Variants in MELK observed in about 807,000 individuals in gnomAD.
MELK encodes the protein maternal embryonic leucine zipper kinase.
MELK carries 81 observed loss-of-function variants against 85.0 expected under a neutral mutation model. The ratio of observed to expected loss-of-function variants is 0.95; its 90% CI spans 0.80 to 1.15. The LOEUF is 1.15. MELK is among the 50% of genes most tolerant of loss of function. The pLI is 0.00. For missense variants in MELK, 754 were observed against 777.5 expected, an observed-to-expected ratio of 0.97 and a Z score of 0.36; for synonymous variants, 252 against 265.0, an observed-to-expected ratio of 0.95 and a Z score of 0.48.
chr9:36,634,075 T>C (rs1828887601), intron 10 of MELK, among the ~76,000 whole-genome samples: 1 of 152,244 alleles, frequency 6.6e-6, no homozygotes, highest in South Asian at 2.1e-4. Context: ...GATGCATTGG[T>C]TATTTGGAAA....
intron 12 of MELK, among the ~76,000 whole-genome samples, chr9:36,652,648 T>G (rs142417986): frequency 1.3e-5 from 2 of 149,932 alleles, no homozygotes; most frequent in South Asian, 4.2e-4. Context: ...GAGAATCGCT[T>G]GAACCCGAGA....
intron 7 of MELK, among the ~76,000 whole-genome samples, chr9:36,601,856 A>G (rs927048536): frequency 1.3e-5 from 2 of 152,334 alleles, no homozygotes; most frequent in African/African-American, 2.4e-5. Context: ...TTCACTTAGC[A>G]TAATGTCCTC....
chr9:36,643,024 A>C lies in MELK; in HGVS notation c.862A>C (p.Thr288Pro). Reference sequence around the variant, plus strand: ...TATTCACCTCGATGATGATTGCGTAACAGAACTTTCTGTACATCACAGAAA... The same window carrying C: ...TATTCACCTCGATGATGATTGCGTACCAGAACTTTCTGTACATCACAGAAA... ...PFIHLDDDCV[T>P]ELSVHHRNNR... Residue 288 changes from threonine (T) to proline (P), a missense_variant, in exon 11 of 18, where the codon ACA (threonine) becomes CCA (proline). Thr to Pro is a conservative substitution (Grantham distance 38, BLOSUM62 -1). Coordinates refer to ENST00000298048, the MANE Select transcript of MELK (RefSeq NM_014791.4). 1 of 1,612,376 alleles carries C rather than the reference A, an allele frequency of 6.2e-7. No homozygotes were observed. Among genetic ancestry groups the C allele is most frequent in the Non-Finnish European group, 8.5e-7 (1 of 1,179,480 alleles).
chr9:36,628,670 A>G (rs2136412077), intron 8 of MELK, among the ~76,000 whole-genome samples: 1 of 151,062 alleles, frequency 6.6e-6, no homozygotes, highest in East Asian at 2.0e-4. Flanking sequence ...CACCTGCCTC[A>G]GCCTCCCAAA....
chr9:36,647,953 A>G (rs987369062), intron 11 of MELK, among the ~76,000 whole-genome samples: 1 of 152,188 alleles, frequency 6.6e-6, no homozygotes, highest in Non-Finnish European at 1.5e-5. Flanking sequence ...TTATTAACTA[A>G]TAAAATTCAT....
chr9:36,631,240 G>A (rs1035959055), intron 9 of MELK, among the ~76,000 whole-genome samples: 7 of 151,960 alleles, frequency 4.6e-5, no homozygotes, highest in Non-Finnish European at 8.8e-5. Context: ...CAAAGTGCTG[G>A]GATTACAGGT....
intron 5 of MELK, among the ~76,000 whole-genome samples, chr9:36,596,568 T>G (rs1323999033): frequency 9.8e-6 from 1 of 102,514 alleles, no homozygotes; most frequent in Non-Finnish European, 1.8e-5. Flanking sequence ...TTTTTGTTTT[T>G]TTTGTTTTTT....
chr9:36,634,063 A>G (rs188343853), intron 10 of MELK, among the ~76,000 whole-genome samples: 1 of 152,358 alleles, frequency 6.6e-6, no homozygotes, highest in East Asian at 1.9e-4. Context: ...CTCACATAAC[A>G]TGATGCATTG....
intron 3 of MELK, among the ~76,000 whole-genome samples, chr9:36,587,936 G>A (rs538518353): frequency 1.6e-4 from 23 of 143,864 alleles, no homozygotes; most frequent in Middle Eastern, 4.7e-3. Context: ...TAATTTTTTC[G>A]TGTGTGTTTT....
rs2138361416 is a variant in MELK, at chr9:36,677,468, A to G, written c.*131A>G. On this transcript the variant is annotated 3_prime_UTR_variant, in exon 18 of 18. Transcript: ENST00000298048. ...TTTCTAAAGAGCTATCTTAAGACCAATATCTCTTTGTTTTTAAACAAAAGA... is the reference window on the plus strand; with the variant it reads ...TTTCTAAAGAGCTATCTTAAGACCAGTATCTCTTTGTTTTTAAACAAAAGA... The G allele has an allele frequency of 1.4e-6, 1 of 722,966 alleles. No individual in the cohort carries two copies. Among genetic ancestry groups the G allele is most frequent in the Non-Finnish European group, 2.1e-6 (1 of 486,262 alleles). 44.8% of individuals were successfully genotyped at this position (722,966 alleles called of 1,614,324 possible).
intron 8 of MELK, among the ~76,000 whole-genome samples, chr9:36,628,629 A>G (rs1828176714): frequency 6.6e-6 from 1 of 151,704 alleles, no homozygotes; most frequent in Non-Finnish European, 1.5e-5. Flanking sequence ...CATGTTGGCC[A>G]GGATGGTCTT....
At chr9:36,619,980 A>G (rs184568894) in intron 8 of MELK, among the ~76,000 whole-genome samples, 2 of 152,298 alleles carry the variant, frequency 1.3e-5, no homozygotes, top group African/African-American at 4.8e-5. Context: ...CTTAACATGC[A>G]TGAGTTTTGT....
chr9:36,617,584 T>C (rs1249307140), intron 8 of MELK, among the ~76,000 whole-genome samples: 1 of 152,220 alleles, frequency 6.6e-6, no homozygotes, highest in East Asian at 1.9e-4. Context: ...CCTCTCAAAA[T>C]GTTGGGATTA....
intron 14 of MELK, among the ~76,000 whole-genome samples, chr9:36,668,798 C>G (rs193185512): frequency 1.3e-5 from 2 of 152,286 alleles, no homozygotes; most frequent in Admixed American, 1.3e-4. Flanking sequence ...CAGGCATGAG[C>G]CACTGTGCCT....
intron 11 of MELK, among the ~76,000 whole-genome samples, chr9:36,647,028 C>T (rs1830270917): frequency 6.6e-6 from 1 of 152,228 alleles, no homozygotes; most frequent in African/African-American, 2.4e-5. Context: ...GAAAGCATAA[C>T]TAATGTGTTG....
At chr9:36,641,170 A>G (rs1434348266) in intron 10 of MELK, among the ~76,000 whole-genome samples, 1 of 152,232 alleles carries the variant, frequency 6.6e-6, no homozygotes, top group African/African-American at 2.4e-5. Flanking sequence ...GTTGCTTATA[A>G]TAGGAATACG....
At chr9:36,605,608 T>C (rs1435956189) in intron 7 of MELK, among the ~76,000 whole-genome samples, 1 of 152,060 alleles carries the variant, frequency 6.6e-6, no homozygotes, top group Non-Finnish European at 1.5e-5. Context: ...GGTCAATTTC[T>C]GACCTCCTGC....
intron 8 of MELK, among the ~76,000 whole-genome samples, chr9:36,621,641 C>G (rs1827458275): frequency 6.6e-6 from 1 of 152,100 alleles, no homozygotes; most frequent in South Asian, 2.1e-4. Context: ...CTGTTAATAC[C>G]TTACTGAAAT....
intron 8 of MELK, among the ~76,000 whole-genome samples, chr9:36,610,243 G>C (rs1031599373): frequency 1.7e-4 from 26 of 152,204 alleles, no homozygotes. Flanking sequence ...GACCCAGTTG[G>C]CTTGTTGCCC....
Sources: gnomAD v4.1 joint callset for allele counts (sites outside exome capture counted in the v4.1 genomes callset) on GRCh38, gnomAD v4.1.1 for gene constraint, MANE v1.5 for transcripts, NCBI Gene and HGNC (gene_info 2026-07-23, HGNC 2026-07-21) for gene names.